Variants in KCNIP4 observed in about 807,000 individuals in gnomAD.
The protein encoded by KCNIP4 is Kv channel-interacting protein 4.
Under a neutral mutation model 34.0 loss-of-function variants are expected in KCNIP4, and 12 were observed. That is an observed-to-expected ratio of 0.35 (90% CI 0.23 to 0.57). The LOEUF is 0.57. Among genes scored for constraint, KCNIP4 ranks in the 20% least tolerant of loss-of-function variants. The pLI is 0.83. For synonymous variants in KCNIP4, 124 were observed against 102.2 expected (o/e 1.21, Z -1.29); for missense variants, 238 against 311.7 (o/e 0.76, Z 1.78).
intron 1 of KCNIP4, among the ~76,000 whole-genome samples, chr4:21,519,222 G>A (rs1406983458): frequency 6.6e-6 from 1 of 151,820 alleles, no homozygotes; most frequent in African/African-American, 2.4e-5. Flanking sequence ...AGGTCCCAGG[G>A]AACTTTGTTG....
At chr4:21,931,442 T>C (rs1729559912) in intron 1 of KCNIP4, among the ~76,000 whole-genome samples, 1 of 108,664 alleles carries the variant, frequency 9.2e-6, no homozygotes, top group Non-Finnish European at 1.7e-5. Flanking sequence ...CAACAGGCCC[T>C]GGTGTGTGAT....
chr4:20,991,988 C>T (rs1166247231), intron 1 of KCNIP4, among the ~76,000 whole-genome samples: 1 of 152,210 alleles, frequency 6.6e-6, no homozygotes, highest in Non-Finnish European at 1.5e-5. Context: ...TGCACCACAA[C>T]AGTACTTGGG....
At position 21,106,004 on chromosome 4, in the gene KCNIP4, T is replaced by G. The variant is rs531691318; in HGVS notation, c.62-223295A>C. On this transcript the variant is annotated intron_variant, in intron 1 of 8. Coordinates refer to ENST00000382152, the MANE Select transcript of KCNIP4 (RefSeq NM_025221.6). ...GCTGCTGGATTCGGTTTGCCAGTAT[T>G]TTACTGAGGATTTTTGCATCAATGT... Among the ~76,000 whole-genome samples the G allele has an allele frequency of 6.1e-3, 919 of 151,648 alleles. 43 individuals are homozygous for G. Among genetic ancestry groups the G allele is most frequent in the African/African-American group, 0.021 (870 of 40,956 alleles).
rs1487534460 is a variant in KCNIP4 at position 21,400,529 on chromosome 4, T to TCTTCTCTTCC, written c.62-517821_62-517820insGGAAGAGAAG. 7.8e-4 allele frequency among the ~76,000 whole-genome samples: 44 copies of TCTTCTCTTCC among 56,728 alleles called. 1 individual carries two copies. The highest frequency in any genetic ancestry group is 3.2e-3 in the African/African-American group (38 of 12,002). The allele number at this position is 56,728 out of a possible 152,430, so 37.2% of individuals were successfully genotyped here. A position where few individuals can be genotyped will look rare whatever the true frequency, so the allele number is the denominator to read the frequency against. ...CCTCCCTTCCTCTTCTCTTCTCTTC[T>TCTTCTCTTCC]CTTCTCTTCTCTTCTCTTCTCTTCT... On this transcript the variant is annotated intron_variant, in intron 1 of 8. Transcript: ENST00000382152.
Position 20,852,036 on chromosome 4 carries a change from A to G in KCNIP4, c.164-1369T>C, listed in dbSNP as rs147804537. ...TCTCAAACAAACAATCAAACAAACA[A>G]AAAAAATAGAACCTTAGACTCTCAG... On this transcript the variant is annotated intron_variant, in intron 2 of 8. Coordinates refer to ENST00000382152, the MANE Select transcript of KCNIP4 (RefSeq NM_025221.6). Among the ~76,000 whole-genome samples the G allele has an allele frequency of 1.9e-3, 283 of 152,194 alleles. 2 individuals are homozygous for G. Among genetic ancestry groups the G allele is most frequent in the African/African-American group, 6.4e-3 (267 of 41,524 alleles).
chr4:21,084,367 T>C (rs954198194), intron 1 of KCNIP4, among the ~76,000 whole-genome samples: 4 of 149,836 alleles, frequency 2.7e-5, no homozygotes, highest in Non-Finnish European at 5.9e-5. Context: ...TAAATTAGAT[T>C]GTTCCAGGAA....
chr4:21,339,200 T>C (rs1019090112), intron 1 of KCNIP4, among the ~76,000 whole-genome samples: 1 of 152,240 alleles, frequency 6.6e-6, no homozygotes, highest in Non-Finnish European at 1.5e-5. Flanking sequence ...AATGACACTA[T>C]GATAGCTCAG....
chr4:21,885,305 C>T (rs776798844), intron 1 of KCNIP4, among the ~76,000 whole-genome samples: 2 of 152,134 alleles, frequency 1.3e-5, no homozygotes, highest in Non-Finnish European at 1.5e-5. Flanking sequence ...GAAGCCACTA[C>T]ATTCTGTAGA....
At chr4:21,076,314 A>G (rs28402702) in intron 1 of KCNIP4, among the ~76,000 whole-genome samples, 2 of 152,014 alleles carry the variant, frequency 1.3e-5, no homozygotes, top group African/African-American at 2.4e-5. Context: ...CTCCCACATG[A>G]ATATTCTCTG....
At chr4:21,561,149 T>C (rs1034153511) in intron 1 of KCNIP4, among the ~76,000 whole-genome samples, 2 of 151,952 alleles carry the variant, frequency 1.3e-5, no homozygotes, top group Non-Finnish European at 2.9e-5. Context: ...ATTACTTACA[T>C]GTACTGGAGC....
At chr4:21,313,668 T>C (rs888823094) in intron 1 of KCNIP4, among the ~76,000 whole-genome samples, 13 of 152,180 alleles carry the variant, frequency 8.5e-5, no homozygotes, top group African/African-American at 3.1e-4. Flanking sequence ...TGTAACCCAT[T>C]AAATAATACA....
intron 1 of KCNIP4, among the ~76,000 whole-genome samples, chr4:21,447,164 CT>C (rs1728098106): frequency 6.6e-6 from 1 of 152,056 alleles, no homozygotes; most frequent in Non-Finnish European, 1.5e-5. Context: ...ATACTTTTAT[CT>C]TTATCTTTAA....
At chr4:21,567,250 A>C (rs1274207413) in intron 1 of KCNIP4, among the ~76,000 whole-genome samples, 1 of 143,828 alleles carries the variant, frequency 7.0e-6, no homozygotes, top group Non-Finnish European at 1.6e-5. Context: ...TATTATATAG[A>C]TATGTGTACA....
chr4:21,087,610 C>T (rs939176112), intron 1 of KCNIP4, among the ~76,000 whole-genome samples: 12 of 152,086 alleles, frequency 7.9e-5, no homozygotes, highest in African/African-American at 2.9e-4. Context: ...CTTAATTATC[C>T]TGTGGGAGTC....
chr4:20,844,078 T>C (rs1382984067), intron 3 of KCNIP4, among the ~76,000 whole-genome samples: 1 of 152,240 alleles, frequency 6.6e-6, no homozygotes, highest in Non-Finnish European at 1.5e-5. Flanking sequence ...TTTTCTTATC[T>C]ACATGGATAT....
At chr4:20,869,297 T>G (rs994893858) in intron 2 of KCNIP4, among the ~76,000 whole-genome samples, 1 of 152,110 alleles carries the variant, frequency 6.6e-6, no homozygotes, top group Non-Finnish European at 1.5e-5. Context: ...CCTTCTACTT[T>G]TAACCTAGTT....
chr4:21,321,234 A>G (rs1191822252), intron 1 of KCNIP4, among the ~76,000 whole-genome samples: 2 of 152,204 alleles, frequency 1.3e-5, no homozygotes, highest in African/African-American at 4.8e-5. Context: ...GCAAGGTTTC[A>G]GCCTTGAATC....
chr4:21,363,053 T>C (rs1435227464), intron 1 of KCNIP4, among the ~76,000 whole-genome samples: 1 of 152,208 alleles, frequency 6.6e-6, no homozygotes, highest in Non-Finnish European at 1.5e-5. Context: ...TAGTTGCTTT[T>C]GGAGATGAGT....
intron 6 of KCNIP4, among the ~76,000 whole-genome samples, chr4:20,733,003 CTT>C (rs1027673472): frequency 2.4e-4 from 36 of 152,134 alleles, no homozygotes; most frequent in African/African-American, 7.7e-4. Flanking sequence ...ATTCTGATCT[CTT>C]GGTTTCAAAA....
Sources: allele counts gnomAD v4.1 joint callset (sites outside exome capture counted in the v4.1 genomes callset), GRCh38; gene constraint gnomAD v4.1.1; transcripts MANE v1.5; gene names NCBI Gene and HGNC (gene_info 2026-07-23, HGNC 2026-07-21).